The following CSRNP3 variants were observed in gnomAD, a reference collection of about 807,000 sequenced individuals.
The protein encoded by CSRNP3 is cysteine and serine rich nuclear protein 3, also known as cysteine/serine-rich nuclear protein 3.
A neutral mutation model predicts 48.0 loss-of-function variants in CSRNP3; 12 were observed. That is an observed-to-expected ratio of 0.25 (90% CI 0.16 to 0.41). CSRNP3 has a LOEUF of 0.41. CSRNP3 is among the 10% of genes least tolerant of loss of function. The probability of loss-of-function intolerance (pLI) is 1.00; values close to 1 mark genes in which losing one functional copy is unlikely to be tolerated. For missense variants in CSRNP3, 580 were observed against 724.4 expected (o/e 0.80, Z 2.29); for synonymous variants, 263 against 269.7 (o/e 0.98, Z 0.24).
chr2:165,496,041 C>T (rs1229346683), intron 2 of CSRNP3, among the ~76,000 whole-genome samples: 4 of 151,860 alleles, frequency 2.6e-5, no homozygotes, highest in East Asian at 3.9e-4. Flanking sequence ...TTCTGTGACC[C>T]GAGATCCTAT....
intron 2 of CSRNP3, among the ~76,000 whole-genome samples, chr2:165,497,268 C>G (rs1684296868): frequency 6.6e-6 from 1 of 151,928 alleles, no homozygotes; most frequent in Non-Finnish European, 1.5e-5. Context: ...GTTTTTTTCC[C>G]CCCTGTAGTG....
intron 3 of CSRNP3, among the ~76,000 whole-genome samples, chr2:165,525,562 C>G (rs1038838438): frequency 6.7e-6 from 1 of 150,020 alleles, no homozygotes. Flanking sequence ...TCTAGGCTGA[C>G]TGTAAACTCC....
chr2:165,531,625 A>T (rs1421432693), intron 3 of CSRNP3, among the ~76,000 whole-genome samples: 9 of 152,142 alleles, frequency 5.9e-5, no homozygotes. Flanking sequence ...ATGGTGTGAC[A>T]CCCTAACATC....
intron 4 of CSRNP3, among the ~76,000 whole-genome samples, chr2:165,650,006 TA>T (rs1438797866): frequency 6.6e-6 from 1 of 152,152 alleles, no homozygotes; most frequent in Non-Finnish European, 1.5e-5. Flanking sequence ...GAATGTAAAA[TA>T]ACAGATCAGC....
chr2:165,611,093 A>G (rs1363528791), intron 4 of CSRNP3, among the ~76,000 whole-genome samples: 1 of 152,114 alleles, frequency 6.6e-6, no homozygotes, highest in African/African-American at 2.4e-5. Context: ...TAGTAACCTG[A>G]TGCTTAAAAG....
intron 4 of CSRNP3, among the ~76,000 whole-genome samples, chr2:165,632,248 AT>A (rs1686550218): frequency 2.0e-5 from 3 of 152,220 alleles, no homozygotes; most frequent in African/African-American, 7.2e-5. Context: ...AGTGCCAGGC[AT>A]GGTAGTTCAC....
chr2:165,492,573 G>A (rs910855785), intron 1 of CSRNP3, among the ~76,000 whole-genome samples: 9 of 151,702 alleles, frequency 5.9e-5, no homozygotes, highest in Non-Finnish European at 1.5e-5. Context: ...TTCTTGCTCA[G>A]TCAACCCTAT....
chr2:165,644,874 A>G (rs1686786051), intron 4 of CSRNP3, among the ~76,000 whole-genome samples: 1 of 152,194 alleles, frequency 6.6e-6, no homozygotes, highest in Admixed American at 6.5e-5. Flanking sequence ...GGTAACTTAT[A>G]AACAGCAGAA....
intron 4 of CSRNP3, among the ~76,000 whole-genome samples, chr2:165,642,683 C>T (rs931784738): frequency 2.0e-5 from 3 of 151,876 alleles, no homozygotes; most frequent in Admixed American, 1.3e-4. Flanking sequence ...CTGCCTGAGA[C>T]TCCCAAGTAG....
chr2:165,679,134 A>G lies in CSRNP3; in HGVS notation c.1139A>G (p.Glu380Gly). 6.2e-7 allele frequency: 1 copy of G among 1,612,684 alleles called. No individual in the cohort carries two copies. Among genetic ancestry groups the G allele is most frequent in the Non-Finnish European group, 8.5e-7 (1 of 1,179,136 alleles). Residue 380 changes from glutamate to glycine, a missense_variant, in exon 7 of 7, where the codon GAG becomes GGG. Physicochemically the swap from Glu to Gly is moderately conservative, Grantham distance 98. This residue lies in a region of CSRNP3 where 369 missense variants were observed against 380.8 expected (regional missense o/e 0.97). Transcript: ENST00000651982. The stretch of plus-strand genomic sequence containing the variant: ...GAGGAGGAGGAAGAAGAAGAGGAAG[A>G]GGAGGAGGAGGATGACGATGATGAC... The part of the protein sequence containing the change: ...DEEEEEEEEE[E>G]EEEDDDDDKG...
At position 165,678,829 on chromosome 2, in the gene CSRNP3, G is replaced by T; in HGVS notation, c.834G>T (p.Glu278Asp). Reference sequence around the variant, plus strand: ...ACACAATAATGAAACTTGAACTGGAGAAAAACCGAGAGCAGCAAATCCCCA... The same window carrying T: ...ACACAATAATGAAACTTGAACTGGATAAAAACCGAGAGCAGCAAATCCCCA... ...FLHTIMKLEL[E>D]KNREQQIPTL... The change falls in exon 7 of 7, where the codon GAG becomes GAT. Residue 278 changes from glutamate (E) to aspartate (D), a missense_variant. Glu to Asp is a conservative substitution (Grantham distance 45, BLOSUM62 2). Coordinates refer to ENST00000651982, the MANE Select transcript of CSRNP3 (RefSeq NM_001172173.2). The T allele has an allele frequency of 6.2e-7, 1 of 1,614,034 alleles. No individual in the cohort carries two copies. Among genetic ancestry groups the T allele is most frequent in the Non-Finnish European group, 8.5e-7 (1 of 1,179,986 alleles).
intron 3 of CSRNP3, among the ~76,000 whole-genome samples, chr2:165,525,476 TTTC>T (rs1219591567): frequency 6.6e-5 from 10 of 151,414 alleles, no homozygotes; most frequent in South Asian, 6.2e-4. Flanking sequence ...ATTTCTTTTT[TTTC>T]TTCTTCTTCT....
chr2:165,568,832 T>C (rs1204137095), intron 3 of CSRNP3, among the ~76,000 whole-genome samples: 2 of 152,078 alleles, frequency 1.3e-5, no homozygotes, highest in Middle Eastern at 3.2e-3. Context: ...TAAATTATAA[T>C]ATCCAAAAGT....
rs144040313 is a variant in CSRNP3, at chr2:165,528,915, A to T, written c.-24+10954A>T. Among the ~76,000 whole-genome samples, 1,102 of 152,224 alleles carry T rather than the reference A, an allele frequency of 7.2e-3. 11 individuals carry two copies. The highest frequency in any genetic ancestry group is 0.026 in the African/African-American group (1,061 of 41,546). ...CTGGGGCAGGAGCTCCCCGGGTGCC[A>T]CTGTAGCCACCCAAGCCATAGCTGT... On this transcript the variant is annotated intron_variant, in intron 3 of 6. Transcript: ENST00000651982.
intron 5 of CSRNP3, among the ~76,000 whole-genome samples, chr2:165,674,439 G>A (rs891541364): frequency 3.3e-5 from 5 of 151,546 alleles, no homozygotes; most frequent in Admixed American, 6.6e-5. Flanking sequence ...TAACAAAAAC[G>A]ACAAACACAA....
At chr2:165,553,764 C>G (rs1685128623) in intron 3 of CSRNP3, among the ~76,000 whole-genome samples, 1 of 152,060 alleles carries the variant, frequency 6.6e-6, no homozygotes, top group Admixed American at 6.6e-5. Flanking sequence ...GCAGTAGGTC[C>G]CATTTCTTGG....
chr2:165,651,884 A>G (rs6741605), intron 4 of CSRNP3, among the ~76,000 whole-genome samples: 50,956 of 151,770 alleles, frequency 0.34, 8,802 homozygotes, highest in African/African-American at 0.39. Flanking sequence ...TTGAACTCCC[A>G]ACCTCAGGTG....
At chr2:165,651,663 T>TTC (rs1217632697) in intron 4 of CSRNP3, among the ~76,000 whole-genome samples, 1 of 151,496 alleles carries the variant, frequency 6.6e-6, no homozygotes, top group African/African-American at 2.4e-5. Context: ...AAAGCTTTTT[T>TTC]TTTTTTTTTT....
chr2:165,648,046 A>G (rs1473019642), intron 4 of CSRNP3, among the ~76,000 whole-genome samples: 1 of 152,168 alleles, frequency 6.6e-6, no homozygotes, highest in Non-Finnish European at 1.5e-5. Context: ...TTCAGTGCCT[A>G]TATTTAGCAA....
Sources: allele counts gnomAD v4.1 joint callset (sites outside exome capture counted in the v4.1 genomes callset), GRCh38; gene constraint gnomAD v4.1.1; regional missense constraint gnomAD v4.1.1; transcripts MANE v1.5; gene names NCBI Gene and HGNC (gene_info 2026-07-23, HGNC 2026-07-21).